Variants in ABLIM1 observed in about 807,000 individuals in gnomAD.
ABLIM1 encodes actin-binding LIM protein 1.
ABLIM1 carries 40 observed loss-of-function variants against 107.0 expected under a neutral mutation model. The observed-to-expected ratio is 0.37, with a 90% CI of 0.29 to 0.49. ABLIM1 has a LOEUF of 0.49. Ranked by LOEUF, ABLIM1 falls within the 20% of genes least tolerant of loss-of-function variation. The pLI is 0.97. For synonymous variants in ABLIM1, 357 were observed against 357.3 expected (o/e 1.00, Z 0.01); for missense variants, 857 against 1,008.5 (o/e 0.85, Z 2.04).
chr10:114,632,289 C>T, intron 1 of ABLIM1: 1 of 985,438 alleles, frequency 1.0e-6, no homozygotes, highest in Non-Finnish European at 1.2e-6. Flanking sequence ...CGAGGACGGG[C>T]TATGAAAAGC....
intron 7 of ABLIM1, 94 bp from the exon 8 acceptor site, chr10:114,488,110 T>C: frequency 7.8e-7 from 1 of 1,282,456 alleles, no homozygotes; most frequent in Non-Finnish European, 1.1e-6. Flanking sequence ...CTATCCCTCT[T>C]TCCCCATCAT....
chr10:114,791,874 A>T, the ABLIM1 span, among the ~76,000 whole-genome samples: 1 of 152,362 alleles, frequency 6.6e-6, no homozygotes, highest in South Asian at 2.1e-4. Flanking sequence ...CTTTCATTGC[A>T]GTATGCCTTA....
intron 1 of ABLIM1, among the ~76,000 whole-genome samples, chr10:114,728,017 G>T (rs967983586): frequency 6.6e-6 from 1 of 152,070 alleles, no homozygotes; most frequent in Non-Finnish European, 1.5e-5. Flanking sequence ...TGAACATCCA[G>T]AATTTACAAA....
At chr10:114,785,232 T>C in the ABLIM1 span, among the ~76,000 whole-genome samples, 1 of 152,256 alleles carries the variant, frequency 6.6e-6, no homozygotes, top group African/African-American at 2.4e-5. Flanking sequence ...TCATAGATTC[T>C]AACTCCTAGG....
intron 12 of ABLIM1, among the ~76,000 whole-genome samples, chr10:114,464,091 A>G (rs2064563435): frequency 6.6e-6 from 1 of 152,046 alleles, no homozygotes; most frequent in African/African-American, 2.4e-5. Context: ...TGGAACAACA[A>G]TGCCCCTATA....
chr10:114,459,397 C>A (rs964328895), intron 12 of ABLIM1, among the ~76,000 whole-genome samples: 3 of 152,226 alleles, frequency 2.0e-5, no homozygotes, highest in Non-Finnish European at 4.4e-5. Flanking sequence ...CATAGGCTCC[C>A]CCCATTCAGA....
intron 6 of ABLIM1, among the ~76,000 whole-genome samples, chr10:114,523,045 G>A (rs973563028): frequency 2.6e-5 from 4 of 152,112 alleles, no homozygotes; most frequent in Admixed American, 2.0e-4. Context: ...CCAGTTACTC[G>A]GAGGGTGAGG....
At chr10:114,578,698 G>A (rs1422028851) in intron 2 of ABLIM1, among the ~76,000 whole-genome samples, 3 of 150,454 alleles carry the variant, frequency 2.0e-5, no homozygotes, top group Non-Finnish European at 4.4e-5. Flanking sequence ...CAGCCACCAC[G>A]CCCAGCCAAC....
chr10:114,582,931 C>T (rs888671834), intron 2 of ABLIM1, among the ~76,000 whole-genome samples: 7 of 152,194 alleles, frequency 4.6e-5, no homozygotes, highest in African/African-American at 1.7e-4. Context: ...CTAAGAAATA[C>T]CCTTCTGGAC....
At chr10:114,518,812 A>C (rs2063302080) in intron 6 of ABLIM1, among the ~76,000 whole-genome samples, 1 of 129,560 alleles carries the variant, frequency 7.7e-6, no homozygotes, top group African/African-American at 2.7e-5. Context: ...CGATGAGCTC[A>C]CACTACTTAA....
At chr10:114,581,549 T>A (rs1389881020) in intron 2 of ABLIM1, among the ~76,000 whole-genome samples, 1 of 152,202 alleles carries the variant, frequency 6.6e-6, no homozygotes, top group African/African-American at 2.4e-5. Context: ...ACTGCTCTCA[T>A]ACAGGTTTTA....
chr10:114,773,374 GA>G, the ABLIM1 span, among the ~76,000 whole-genome samples: 1 of 152,130 alleles, frequency 6.6e-6, no homozygotes, highest in Non-Finnish European at 1.5e-5. Context: ...CAAGGGAAAG[GA>G]TAAAAGCCAT....
At chr10:114,740,292 A>G (rs1277159000) in intron 1 of ABLIM1, among the ~76,000 whole-genome samples, 1 of 152,168 alleles carries the variant, frequency 6.6e-6, no homozygotes, top group Non-Finnish European at 1.5e-5. Context: ...AGCTTTTCCT[A>G]CTCGTAGCAT....
At chr10:114,794,352 C>A in the ABLIM1 span, among the ~76,000 whole-genome samples, 19 of 152,154 alleles carry the variant, frequency 1.2e-4, no homozygotes, top group Non-Finnish European at 2.2e-4. Context: ...ACATAGACTT[C>A]GTATGTCTTA....
At chr10:114,494,623 T>C in intron 6 of ABLIM1, among the ~76,000 whole-genome samples, 1 of 152,184 alleles carries the variant, frequency 6.6e-6, no homozygotes, top group Non-Finnish European at 1.5e-5. Context: ...CTGAATCACA[T>C]GTAGCCATTA....
intron 2 of ABLIM1, among the ~76,000 whole-genome samples, chr10:114,579,089 A>T (rs1365358932): frequency 6.6e-6 from 1 of 152,042 alleles, no homozygotes; most frequent in Non-Finnish European, 1.5e-5. Flanking sequence ...TCCTGGCCCA[A>T]TGAGGTGTTT....
Position 114,473,883 on chromosome 10 carries a change from A to C in ABLIM1, c.1115T>G (p.Ile372Ser). 1 of 1,610,338 alleles carries C rather than the reference A, an allele frequency of 6.2e-7. No homozygotes were observed. Among genetic ancestry groups the C allele is most frequent in the Non-Finnish European group, 8.5e-7 (1 of 1,176,612 alleles). ...CTTCCAGAAGTAGATACTTACATAG[A>C]TAGTATGACCTGGTGAGCCAGGAAT... is the stretch of plus-strand genomic sequence containing the variant. ...SSIPGSPGHT[I>S]YAKVDNEILD... is the part of the protein sequence containing the mutation. The change falls in exon 9 of 23, where the codon ATC becomes AGC. Residue 372 changes from isoleucine to serine, a missense_variant. Ile to Ser is a moderately radical substitution (Grantham distance 142). Coordinates refer to ENST00000533213, the MANE Select transcript of ABLIM1 (RefSeq NM_002313.7).
intron 4 of ABLIM1, among the ~76,000 whole-genome samples, chr10:114,549,012 C>T (rs11196785): frequency 0.16 from 24,748 of 152,212 alleles, 2,569 homozygotes; most frequent in East Asian, 0.29. Flanking sequence ...ACCTTGAGAC[C>T]CAATCGCTGA....
At chr10:114,575,748 G>A in intron 2 of ABLIM1, 149 bp from the exon 3 acceptor site, 1 of 809,684 alleles carries the variant, frequency 1.2e-6, no homozygotes, top group Non-Finnish European at 1.9e-6. Context: ...TTTATTATTG[G>A]GCTCTGACCC....
Sources: allele counts gnomAD v4.1 joint callset (sites outside exome capture counted in the v4.1 genomes callset), GRCh38; gene constraint gnomAD v4.1.1; transcripts MANE v1.5; gene names NCBI Gene and HGNC (gene_info 2026-07-23, HGNC 2026-07-21).